FBN1: variants seen among roughly 807,000 people sequenced by gnomAD.
FBN1 encodes the protein fibrillin-1.
FBN1 carries 29 observed loss-of-function variants against 365.1 expected under a neutral mutation model. The observed-to-expected ratio is 0.08, with a 90% CI of 0.06 to 0.11. FBN1 has a LOEUF of 0.11. Ranked by LOEUF, FBN1 falls within the 10% of genes least tolerant of loss-of-function variation. The pLI, the probability that FBN1 is intolerant of heterozygous loss-of-function variation, is 1.00. For missense variants in FBN1, 2,476 were observed against 3,703.2 expected (o/e 0.67, Z 8.60); for synonymous variants, 1,210 against 1,270.5 (o/e 0.95, Z 1.01).
chr15:48,516,614 T>A (rs180720366), intron 10 of FBN1, among the ~76,000 whole-genome samples: 78 of 152,330 alleles, frequency 5.1e-4, no homozygotes, highest in African/African-American at 1.8e-3. Context: ...AGTCTTTATC[T>A]GTATCAAAAT....
chr15:48,464,090 T>A, intron 40 of FBN1, 69 bp from the exon 41 acceptor site: 1 of 1,483,318 alleles, frequency 6.7e-7, no homozygotes, highest in Non-Finnish European at 9.4e-7. Context: ...TGATACTTAA[T>A]GAATGTTGAC....
intron 17 of FBN1, among the ~76,000 whole-genome samples, chr15:48,499,974 G>A (rs566961093): frequency 1.4e-4 from 21 of 152,312 alleles, no homozygotes; most frequent in African/African-American, 5.1e-4. Context: ...TCCCCTGCAT[G>A]CCAGAGAATT....
intron 6 of FBN1, among the ~76,000 whole-genome samples, chr15:48,547,505 AACTTAAAGC>A (rs2044103098): frequency 6.6e-6 from 1 of 152,202 alleles, no homozygotes; most frequent in African/African-American, 2.4e-5. Flanking sequence ...TCTGGTGGAA[AACTTAAAGC>A]AGGGACAAAA....
intron 58 of FBN1, among the ~76,000 whole-genome samples, chr15:48,426,285 T>C (rs2042979111): frequency 6.6e-6 from 1 of 152,232 alleles, no homozygotes; most frequent in South Asian, 2.1e-4. Context: ...CCCCCTAGTA[T>C]TGCATGCTCA....
chr15:48,539,755 T>C (rs73394236), intron 6 of FBN1, among the ~76,000 whole-genome samples: 3,489 of 152,126 alleles, frequency 0.023, 118 homozygotes, highest in African/African-American at 0.076. Flanking sequence ...CACCCACCTT[T>C]CCAGCCCTGT....
intron 43 of FBN1, among the ~76,000 whole-genome samples, chr15:48,458,170 T>C (rs1049086757): frequency 3.3e-5 from 5 of 152,194 alleles, no homozygotes; most frequent in Non-Finnish European, 7.3e-5. Context: ...GTCAGGAGCC[T>C]TTGCAAGGTA....
chr15:48,482,576 T>A (rs1413125605), intron 31 of FBN1, among the ~76,000 whole-genome samples: 2 of 152,196 alleles, frequency 1.3e-5, no homozygotes, highest in Non-Finnish European at 2.9e-5. Context: ...AGCCAGGCAC[T>A]GTCCTTGAGT....
intron 2 of FBN1, among the ~76,000 whole-genome samples, chr15:48,633,862 G>A (rs1459321220): frequency 2.6e-5 from 4 of 152,110 alleles, no homozygotes; most frequent in Non-Finnish European, 5.9e-5. Flanking sequence ...GTCAGCTCTC[G>A]CTACCACGTG....
At chr15:48,511,224 T>G (rs2043756389) in intron 13 of FBN1, among the ~76,000 whole-genome samples, 2 of 152,188 alleles carry the variant, frequency 1.3e-5, no homozygotes, top group Admixed American at 1.3e-4. Flanking sequence ...TCAGATGCAC[T>G]TTCTTTCTGG....
At chr15:48,547,027 G>T (rs1000288561) in intron 6 of FBN1, among the ~76,000 whole-genome samples, 2 of 152,146 alleles carry the variant, frequency 1.3e-5, no homozygotes, top group African/African-American at 4.8e-5. Context: ...CAGGTAACTT[G>T]AATTAGTGAG....
chr15:48,480,848 T>C (rs1407797758), intron 32 of FBN1, among the ~76,000 whole-genome samples: 1 of 152,228 alleles, frequency 6.6e-6, no homozygotes, highest in Non-Finnish European at 1.5e-5. Context: ...GTTTCCATTA[T>C]GTTTTAAATT....
chr15:48,625,551 C>T (rs1195609258), intron 2 of FBN1, among the ~76,000 whole-genome samples: 3 of 152,220 alleles, frequency 2.0e-5, no homozygotes, highest in African/African-American at 7.2e-5. Context: ...CAATACAGGA[C>T]ATCCACAGGT....
intron 2 of FBN1, among the ~76,000 whole-genome samples, chr15:48,620,968 C>T (rs1414582291): frequency 6.6e-6 from 1 of 152,168 alleles, no homozygotes; most frequent in East Asian, 1.9e-4. Flanking sequence ...CTGAGGGGAG[C>T]ATGGCAAGGG....
intron 12 of FBN1, among the ~76,000 whole-genome samples, 178 bp downstream of exon 12, chr15:48,515,209 T>C (rs1348349981): frequency 6.6e-6 from 1 of 152,248 alleles, no homozygotes; most frequent in Admixed American, 6.5e-5. Context: ...ACCTGGATGT[T>C]AGCCCAGTAA....
At chr15:48,619,875 T>TA (rs67284014) in intron 2 of FBN1, among the ~76,000 whole-genome samples, 1,671 of 142,198 alleles carry the variant, frequency 0.012, 21 homozygotes, top group African/African-American at 0.033. Context: ...AAATAAAAGT[T>TA]AAAAAAAAAA....
chr15:48,576,419 T>C (rs1597614023), intron 6 of FBN1, among the ~76,000 whole-genome samples: 2 of 151,960 alleles, frequency 1.3e-5, no homozygotes, highest in South Asian at 4.2e-4. Flanking sequence ...TTTGTGCACA[T>C]GTCTAATATA....
At chr15:48,629,147 C>T (rs954121215) in intron 2 of FBN1, among the ~76,000 whole-genome samples, 1 of 152,198 alleles carries the variant, frequency 6.6e-6, no homozygotes, top group African/African-American at 2.4e-5. Flanking sequence ...TCTAAACCAT[C>T]TCACTGCTTC....
intron 2 of FBN1, among the ~76,000 whole-genome samples, chr15:48,625,621 T>C (rs1889861435): frequency 6.6e-6 from 1 of 152,180 alleles, no homozygotes; most frequent in Non-Finnish European, 1.5e-5. Flanking sequence ...TGATTTATTT[T>C]AAAGGCCAGA....
chr15:48,444,642 A>G lies in FBN1; in HGVS notation c.5936T>C (p.Leu1979Pro), dbSNP rs1333100611. 6.2e-7 allele frequency: 1 copy of G among 1,613,606 alleles called. No homozygotes were observed. Among genetic ancestry groups the G allele is most frequent in the African/African-American group, 1.3e-5 (1 of 75,002 alleles). ...RTCVDINECL[L>P]EPRKCAPGTC... ...ACCTGGTGCACATTTTCTGGGTTCT[A>G]GAAGACATTCATTGATATCTGCAAA... The change falls in exon 49 of 66, where the codon CTA becomes CCA. Residue 1979 changes from leucine (L) to proline (P), a missense_variant. Coordinates refer to ENST00000316623, the MANE Select transcript of FBN1 (RefSeq NM_000138.5).
Sources: allele counts gnomAD v4.1 joint callset (sites outside exome capture counted in the v4.1 genomes callset), GRCh38; gene constraint gnomAD v4.1.1; transcripts MANE v1.5; gene names NCBI Gene and HGNC (gene_info 2026-07-23, HGNC 2026-07-21).